Variants in PLEKHG2 observed in about 807,000 individuals in gnomAD.
The protein encoded by PLEKHG2 is pleckstrin homology domain-containing family G member 2.
PLEKHG2 carries 71 observed loss-of-function variants against 104.4 expected under a neutral mutation model. The ratio of observed to expected loss-of-function variants is 0.68; its 90% confidence interval spans 0.56 to 0.83. PLEKHG2 has a LOEUF of 0.83. Ranked by LOEUF, PLEKHG2 falls within the 40% of genes least tolerant of loss-of-function variation. The pLI, the probability that PLEKHG2 is intolerant of heterozygous loss-of-function variation, is 0.00. For missense variants in PLEKHG2, 1,730 were observed against 1,809.4 expected (o/e 0.96, Z 0.80); for synonymous variants, 728 against 737.0 (o/e 0.99, Z 0.20).
At position 39,416,801 on chromosome 19, in the gene PLEKHG2, C is replaced by G; in HGVS notation, c.594-49C>G. 1 of 1,553,550 alleles carries G rather than the reference C, an allele frequency of 6.4e-7. No individual in the cohort carries two copies. ...TGGCCCCTCCCTAACCCCTCTTGACCCCGCCCACTGGAACTGACAATCCCC... is the reference window on the plus strand; with the variant it reads ...TGGCCCCTCCCTAACCCCTCTTGACGCCGCCCACTGGAACTGACAATCCCC... On this transcript the variant is annotated intron_variant, in intron 6 of 18. Coordinates refer to ENST00000425673, the MANE Select transcript of PLEKHG2 (RefSeq NM_022835.3). This position sits in a 1 kb window ranked among gnomAD's most constrained non-coding sequence, Gnocchi z 4.5.
chr19:39,416,970 G>A lies in PLEKHG2; in HGVS notation c.714G>A (p.Gln238=). 1 of 1,613,102 alleles carries A rather than the reference G, an allele frequency of 6.2e-7. No homozygotes were observed. The change falls in exon 7 of 19, where the codon CAG becomes CAA. Residue 238 remains glutamine (Q), a synonymous_variant. Transcript: ENST00000425673. This position sits in a 1 kb window ranked among gnomAD's most constrained non-coding sequence, Gnocchi z 4.5. ...AGAGCTTCCTGCTGAAACCTGTCCAGCGCATTCTCAAGTACCATCTGCTGC... is the reference window on the plus strand; with the variant it reads ...AGAGCTTCCTGCTGAAACCTGTCCAACGCATTCTCAAGTACCATCTGCTGC... The part of the protein sequence containing the change: ...PLQSFLLKPV[Q]RILKYHLLLQ...
Position 39,423,267 on chromosome 19 carries a change from G to T in PLEKHG2, c.2213G>T (p.Gly738Val). 1.2e-6 allele frequency: 2 copies of T among 1,614,048 alleles called. No individual in the cohort carries two copies. Among genetic ancestry groups the T allele is most frequent in the Non-Finnish European group, 1.7e-6 (2 of 1,179,896 alleles). The change falls in exon 18 of 19, where the codon GGG becomes GTG. Residue 738 changes from glycine to valine, a missense_variant. Gly to Val is a moderately radical substitution (Grantham distance 109, BLOSUM62 -3). Coordinates refer to ENST00000425673, the MANE Select transcript of PLEKHG2 (RefSeq NM_022835.3). ...GCAGGGCCAGAGGAGGATGAAGAAG[G>T]GGTATCATTCACAGACTTCCAGCCC... is the stretch of plus-strand genomic sequence containing the variant. ...GKAGPEEDEEGVSFTDFQPQD... is the reference protein window; with the variant it reads ...GKAGPEEDEEVVSFTDFQPQD...
chr19:39,417,422 GGAT>G, intron 7 of PLEKHG2, 130 bp from the exon 8 acceptor site: 1 of 1,198,850 alleles, frequency 8.3e-7, no homozygotes, highest in South Asian at 1.6e-5. Flanking sequence ...CAAAGTGCTG[GGAT>G]TACAGACATG....
intron 17 of PLEKHG2, 117 bp downstream of exon 17, chr19:39,422,405 T>C: frequency 8.5e-7 from 1 of 1,178,592 alleles, no homozygotes; most frequent in African/African-American, 1.6e-5. Context: ...TGAGATGGAG[T>C]CTTGCTCTGT....
chr19:39,421,990 C>T, intron 16 of PLEKHG2, 125 bp from the exon 17 acceptor site: 1 of 1,036,534 alleles, frequency 9.6e-7, no homozygotes, highest in Non-Finnish European at 1.3e-6. Context: ...GCACTGCAGG[C>T]TGGGCGACAG....
At chr19:39,421,162 G>T (rs772029773) in intron 15 of PLEKHG2, 49 bp downstream of exon 15, 1 of 1,613,232 alleles carries the variant, frequency 6.2e-7, no homozygotes, top group Admixed American at 1.7e-5. Flanking sequence ...CTGTCGCCCG[G>T]TGGGATGTCT....
At chr19:39,418,349 C>A (rs1418180452) in intron 9 of PLEKHG2, among the ~76,000 whole-genome samples, 1 of 152,048 alleles carries the variant, frequency 6.6e-6, no homozygotes, top group African/African-American at 2.4e-5. Flanking sequence ...GAGGTCAAGG[C>A]GGGCGGATCA....
Position 39,427,017 on chromosome 19 carries a change from CGTTGTT to C in PLEKHG2, c.*1736_*1741del, listed in dbSNP as rs755693756. The C allele has an allele frequency of 7.9e-5, 12 of 151,280 alleles. No homozygotes were observed. The highest frequency in any genetic ancestry group is 1.3e-4 in the Admixed American group (2 of 15,158). 9.4% of individuals were successfully genotyped at this position (151,280 alleles called of 1,614,324 possible). ...GCACCACCATGCCCAGCTAATTTTT[CGTTGTT>C]GTTGTTGTTGTTTTGTTTTTGAGAC... On this transcript the variant is annotated 3_prime_UTR_variant, in exon 19 of 19. Coordinates refer to ENST00000425673, the MANE Select transcript of PLEKHG2 (RefSeq NM_022835.3).
chr19:39,423,198 G>A lies in PLEKHG2; in HGVS notation c.2144G>A (p.Gly715Glu). 1 of 1,612,578 alleles carries A rather than the reference G, an allele frequency of 6.2e-7. No homozygotes were observed. Among genetic ancestry groups the A allele is most frequent in the Non-Finnish European group, 8.5e-7 (1 of 1,178,872 alleles). The change falls in exon 18 of 19, where the codon GGG (glycine) becomes GAG (glutamate). Residue 715 changes from glycine (G) to glutamate (E), a missense_variant. By Grantham distance (98) the Gly-to-Glu change is moderately conservative (BLOSUM62 -2). Transcript: ENST00000425673. ...GCCACCAGGAGAGAACTGTTTTCTG[G>A]GAGCAATCCTGGGAAACTGGGAGAG... is the stretch of plus-strand genomic sequence containing the variant. Reference protein sequence around the residue: ...APATRRELFSGSNPGKLGEPP... With the variant: ...APATRRELFSESNPGKLGEPP...
At position 39,424,933 on chromosome 19, in the gene PLEKHG2, G is replaced by A. The variant is rs112604685; in HGVS notation, c.3800G>A (p.Arg1267His). The A allele has an allele frequency of 1.7e-5, 28 of 1,614,060 alleles. No homozygotes were observed. The highest frequency in any genetic ancestry group is 1.0e-4 in the Admixed American group (6 of 59,992). The change falls in exon 19 of 19, where the codon CGT (arginine) becomes CAT (histidine). Residue 1267 changes from arginine (R) to histidine (H), a missense_variant. Transcript: ENST00000425673. ...TPPHSPPPSS[R>H]QLLGPNAAAL... ...CCTCATAGTCCCCCACCTTCCAGCC[G>A]TCAGCTCCTGGGCCCCAATGCAGCT... is the stretch of plus-strand genomic sequence containing the variant.
chr19:39,413,954 G>T lies in PLEKHG2; in HGVS notation c.-22-111G>T. The T allele has an allele frequency of 3.0e-6, 2 of 666,110 alleles. No homozygotes were observed. Among genetic ancestry groups the T allele is most frequent in the South Asian group, 3.9e-5 (2 of 50,824 alleles). The allele number at this position is 666,110 out of a possible 1,614,324, so 41.3% of individuals were successfully genotyped here. A position where few individuals can be genotyped will look rare whatever the true frequency, so the allele number is the denominator to read the frequency against. On this transcript the variant is annotated intron_variant, in intron 1 of 18. Transcript: ENST00000425673. The surrounding 1 kb of genome is among the most constrained non-coding windows in gnomAD (Gnocchi z 4.5). Reference sequence around the variant, plus strand: ...GCCTCCCCCATTAGTTACTCCCAGGGGCCCCTCCCTGGATTTACACCACGC... The same window carrying T: ...GCCTCCCCCATTAGTTACTCCCAGGTGCCCCTCCCTGGATTTACACCACGC...
At chr19:39,422,370 C>G in intron 17 of PLEKHG2, 82 bp downstream of exon 17, 1 of 1,401,398 alleles carries the variant, frequency 7.1e-7, no homozygotes, top group Non-Finnish European at 9.6e-7. Context: ...CCAGCCCATG[C>G]TGATACCTTT....
In PLEKHG2 at chr19:39,425,298, A is replaced by G. The variant is rs745320615; in HGVS notation, c.*4A>G. 4 of 1,598,284 alleles carry G rather than the reference A, an allele frequency of 2.5e-6. No homozygotes were observed. The South Asian group carries it at 4.5e-5, about 18-fold the overall frequency. On this transcript the variant is annotated 3_prime_UTR_variant, in exon 19 of 19. Coordinates refer to ENST00000425673, the MANE Select transcript of PLEKHG2 (RefSeq NM_022835.3). ...TGATGCCCCCTTCCACATGTGAGCC[A>G]GGACATGAGGCTTCCCTGAAGCAAG...
chr19:39,425,091 C>G lies in PLEKHG2; in HGVS notation c.3958C>G (p.Pro1320Ala), dbSNP rs557254350. The G allele has an allele frequency of 2.5e-6, 4 of 1,580,826 alleles. No individual in the cohort carries two copies. Among genetic ancestry groups the G allele is most frequent in the African/African-American group, 2.7e-5 (2 of 73,900 alleles). ...TCCCACGTCACGGGCATCTTCGCCG[C>G]CCCCCCAGCCCCAGCCACCACCTCC... ...SAPTSRASSP[P>A]PQPQPPPPPA... is the part of the protein sequence containing the mutation. Residue 1320 changes from proline (P) to alanine (A), a missense_variant, in exon 19 of 19, where the codon CCC (proline) becomes GCC (alanine). By Grantham distance (27) the Pro-to-Ala change is conservative (BLOSUM62 -1). Coordinates refer to ENST00000425673, the MANE Select transcript of PLEKHG2 (RefSeq NM_022835.3).
Sources: gnomAD v4.1 joint callset for allele counts (sites outside exome capture counted in the v4.1 genomes callset) on GRCh38, gnomAD v4.1.1 for gene constraint, Gnocchi (gnomAD v3.1) non-coding constraint, MANE v1.5 for transcripts, NCBI Gene and HGNC (gene_info 2026-07-23, HGNC 2026-07-21) for gene names.